SHOC2: variants seen among roughly 807,000 people sequenced by gnomAD.
SHOC2 encodes the protein SHOC2 leucine rich repeat scaffold protein, also known as leucine-rich repeat protein SHOC-2.
SHOC2 carries 4 observed loss-of-function variants against 50.2 expected under a neutral mutation model. That is an observed-to-expected ratio of 0.08 (90% CI 0.04 to 0.18). SHOC2 has a LOEUF of 0.18. Among genes scored for constraint, SHOC2 ranks in the 10% least tolerant of loss-of-function variants. The probability of loss-of-function intolerance (pLI) is 1.00; values close to 1 mark genes in which losing one functional copy is unlikely to be tolerated. For synonymous variants in SHOC2, 218 were observed against 244.5 expected (o/e 0.89, Z 1.01); for missense variants, 388 against 669.6 (o/e 0.58, Z 4.64).
chr10:110,944,278 T>G (rs1418386824), intron 1 of SHOC2, among the ~76,000 whole-genome samples: 1 of 152,112 alleles, frequency 6.6e-6, no homozygotes, highest in Non-Finnish European at 1.5e-5. Context: ...CATTTTACCA[T>G]TATCCAGTGA....
chr10:110,934,619 C>T (rs1239931105), intron 1 of SHOC2, among the ~76,000 whole-genome samples: 1 of 152,094 alleles, frequency 6.6e-6, no homozygotes, highest in Non-Finnish European at 1.5e-5. Context: ...TTACATATGT[C>T]CTTGTAGTGT....
intron 5 of SHOC2, among the ~76,000 whole-genome samples, 179 bp downstream of exon 5, chr10:111,004,973 T>C (rs1176519521): frequency 1.3e-5 from 2 of 152,162 alleles, no homozygotes; most frequent in Non-Finnish European, 2.9e-5. Flanking sequence ...GAACTGAGCA[T>C]ACCCTTAGGA....
intron 2 of SHOC2, among the ~76,000 whole-genome samples, chr10:110,983,874 G>A (rs1051649956): frequency 3.3e-5 from 5 of 152,086 alleles, no homozygotes; most frequent in South Asian, 2.1e-4. Context: ...ATAATACTCC[G>A]TTATATAAAC....
chr10:110,984,687 A>G (rs1226765238), intron 2 of SHOC2, among the ~76,000 whole-genome samples: 2 of 152,218 alleles, frequency 1.3e-5, no homozygotes, highest in African/African-American at 4.8e-5. Context: ...TTTAAAGCTC[A>G]GTAACACTGC....
intron 1 of SHOC2, among the ~76,000 whole-genome samples, chr10:110,956,099 A>G (rs1847456356): frequency 6.6e-6 from 1 of 152,238 alleles, no homozygotes; most frequent in African/African-American, 2.4e-5. Flanking sequence ...TAGACTTTGC[A>G]GAGTCACCTG....
intron 2 of SHOC2, among the ~76,000 whole-genome samples, chr10:110,975,967 A>G (rs138692729): frequency 2.0e-5 from 3 of 151,664 alleles, no homozygotes; most frequent in Non-Finnish European, 2.9e-5. Flanking sequence ...CTGGAGTGCA[A>G]TGGCGCAGTC....
chr10:110,924,225 T>C (rs940659245), intron 1 of SHOC2, among the ~76,000 whole-genome samples: 7 of 152,256 alleles, frequency 4.6e-5, no homozygotes, highest in African/African-American at 1.7e-4. Context: ...TAAATATGTT[T>C]CCTTCTTTCA....
chr10:110,968,215 A>G (rs1018609680), intron 2 of SHOC2, among the ~76,000 whole-genome samples: 1 of 152,090 alleles, frequency 6.6e-6, no homozygotes, highest in Non-Finnish European at 1.5e-5. Context: ...CCTGATCACT[A>G]TATATTTGTT....
intron 1 of SHOC2, among the ~76,000 whole-genome samples, chr10:110,924,534 C>T (rs1056485773): frequency 1.3e-5 from 2 of 151,928 alleles, no homozygotes; most frequent in African/African-American, 2.4e-5. Context: ...TGGTAGACTT[C>T]GATTAAAGCT....
At chr10:110,959,647 ATATT>A (rs1156724933) in intron 1 of SHOC2, among the ~76,000 whole-genome samples, 1 of 152,188 alleles carries the variant, frequency 6.6e-6, no homozygotes, top group Non-Finnish European at 1.5e-5. Context: ...CCTACCACAG[ATATT>A]TATTTTGTTA....
Position 110,965,521 on chromosome 10 carries a change from G to C in SHOC2, c.703+460G>C, listed in dbSNP as rs115073177. The stretch of plus-strand genomic sequence containing the variant: ...TTTACCACAAAAGGTTGACAAATCA[G>C]AGCCTTACAAAAGAGCAGTGTCATA... On this transcript the variant is annotated intron_variant, in intron 2 of 8. Transcript: ENST00000369452. 4.8e-3 allele frequency among the ~76,000 whole-genome samples: 734 copies of C among 152,176 alleles called. 6 individuals carry two copies. The highest frequency in any genetic ancestry group is 0.017 in the African/African-American group (693 of 41,530).
intron 1 of SHOC2, among the ~76,000 whole-genome samples, chr10:110,956,467 C>T (rs1847465713): frequency 6.6e-6 from 1 of 152,166 alleles, no homozygotes; most frequent in Non-Finnish European, 1.5e-5. Context: ...TACCTTAAGA[C>T]CACTCTGCTT....
rs1457023571 is a variant in SHOC2, at chr10:111,012,983, G to A, written c.*1165G>A. 2 of 152,602 alleles carry A rather than the reference G, an allele frequency of 1.3e-5. No homozygotes were observed. The highest frequency in any genetic ancestry group is 2.9e-5 in the Non-Finnish European group (2 of 68,032). 9.5% of individuals were successfully genotyped at this position (152,602 alleles called of 1,614,324 possible). A position where few individuals can be genotyped will look rare whatever the true frequency, so the allele number is the denominator to read the frequency against. On this transcript the variant is annotated 3_prime_UTR_variant, in exon 9 of 9. Coordinates refer to ENST00000369452, the MANE Select transcript of SHOC2 (RefSeq NM_007373.4). ...AAATGCACTTTTCCCCACATATGGG[G>A]CACTGGCTTCAAACAATTCAGTTCA...
rs1290039051 is a variant in SHOC2, at chr10:110,968,210, T to A, written c.703+3149T>A. ...GTAGTTTTGTTTTGCAGTTCCCTGA[T>A]CACTATATATTTGTTTTTAATTCTT... On this transcript the variant is annotated intron_variant, in intron 2 of 8. Transcript: ENST00000369452. Among the ~76,000 whole-genome samples the A allele has an allele frequency of 2.0e-5, 3 of 152,206 alleles. No individual in the cohort carries two copies. The South Asian group carries it at 6.2e-4, about 31-fold the overall frequency.
At chr10:110,998,315 A>G (rs927135564) in intron 3 of SHOC2, among the ~76,000 whole-genome samples, 12 of 152,204 alleles carry the variant, frequency 7.9e-5, no homozygotes, top group East Asian at 7.7e-4. Context: ...AGTGATAGCA[A>G]TAGTGAATAT....
At chr10:110,975,618 T>C (rs190690476) in intron 2 of SHOC2, among the ~76,000 whole-genome samples, 101 of 152,250 alleles carry the variant, frequency 6.6e-4, no homozygotes, top group African/African-American at 2.3e-3. Context: ...TTTTCACGAC[T>C]AGTTTGAGTT....
intron 2 of SHOC2, among the ~76,000 whole-genome samples, chr10:110,969,047 C>G (rs1564716209): frequency 6.6e-6 from 1 of 152,132 alleles, no homozygotes; most frequent in Non-Finnish European, 1.5e-5. Flanking sequence ...TAAAAAGATA[C>G]TGGAACAGAC....
chr10:110,971,813 A>G (rs375417427), intron 2 of SHOC2, among the ~76,000 whole-genome samples: 11 of 152,248 alleles, frequency 7.2e-5, no homozygotes, highest in African/African-American at 2.6e-4. Flanking sequence ...TGACTCATCA[A>G]CATTTATTGA....
At chr10:111,004,075 A>G (rs1404087762) in intron 4 of SHOC2, among the ~76,000 whole-genome samples, 2 of 152,200 alleles carry the variant, frequency 1.3e-5, no homozygotes, top group African/African-American at 2.4e-5. Flanking sequence ...GGTGTATTAT[A>G]CAGTATCAGG....
Sources: allele counts gnomAD v4.1 joint callset (sites outside exome capture counted in the v4.1 genomes callset), GRCh38; gene constraint gnomAD v4.1.1; transcripts MANE v1.5; gene names NCBI Gene and HGNC (gene_info 2026-07-23, HGNC 2026-07-21).